The following GARIN1A variants were observed in gnomAD, a reference collection of about 807,000 sequenced individuals.
GARIN1A encodes the protein golgi associated RAB2 interactor 1A.
At chr7:128,679,482 C>T in the GARIN1A span, among the ~76,000 whole-genome samples, 1 of 152,126 alleles carries the variant, frequency 6.6e-6, no homozygotes, top group Non-Finnish European at 1.5e-5. Context: ...TGAGCCACTG[C>T]GCCCAGCCTA....
chr7:128,677,709 G>C, the GARIN1A span: 4 of 1,613,826 alleles, frequency 2.5e-6, no homozygotes, highest in Non-Finnish European at 3.4e-6. Flanking sequence ...GGTCCGCTTG[G>C]TGAAAATTCT....
chr7:128,693,090 C>T, the GARIN1A span, among the ~76,000 whole-genome samples: 1 of 152,210 alleles, frequency 6.6e-6, no homozygotes, highest in Non-Finnish European at 1.5e-5. Flanking sequence ...TGATTCCTGC[C>T]TGATTTAGAA....
the GARIN1A span, among the ~76,000 whole-genome samples, chr7:128,701,599 A>G: frequency 2.0e-5 from 3 of 151,942 alleles, no homozygotes; most frequent in Non-Finnish European, 4.4e-5. Flanking sequence ...TATGAGCCAG[A>G]GTGGCAGGGT....
the GARIN1A span, chr7:128,675,686 C>G: frequency 3.2e-5 from 51 of 1,613,534 alleles, no homozygotes; most frequent in Non-Finnish European, 4.2e-5. Flanking sequence ...TCACTAAGCC[C>G]GGGAACTGGA....
the GARIN1A span, chr7:128,683,019 C>T: frequency 8.7e-6 from 14 of 1,610,420 alleles, no homozygotes; most frequent in East Asian, 2.9e-4. Flanking sequence ...GATACCCTCT[C>T]CAGTGGCATC....
At chr7:128,675,020 C>T in the GARIN1A span, among the ~76,000 whole-genome samples, 1 of 152,208 alleles carries the variant, frequency 6.6e-6, no homozygotes. Flanking sequence ...ATCCAGGTCC[C>T]TGTGGCTCCT....
the GARIN1A span, chr7:128,685,614 A>G: frequency 6.6e-5 from 10 of 152,324 alleles, no homozygotes; most frequent in African/African-American, 2.4e-4. Context: ...AAAATTAAAA[A>G]CAAGTTTCCT....
At chr7:128,681,056 G>T in the GARIN1A span, among the ~76,000 whole-genome samples, 39 of 152,300 alleles carry the variant, frequency 2.6e-4, no homozygotes, top group South Asian at 5.2e-3. Context: ...AATTTATTTT[G>T]TCTGCCCTTC....
chr7:128,678,761 CT>C, the GARIN1A span, among the ~76,000 whole-genome samples: 1 of 148,540 alleles, frequency 6.7e-6, no homozygotes, highest in African/African-American at 2.5e-5. Flanking sequence ...AATTATGCCA[CT>C]TTACTCCAGC....
At chr7:128,692,129 C>T in the GARIN1A span, among the ~76,000 whole-genome samples, 1 of 152,176 alleles carries the variant, frequency 6.6e-6, no homozygotes, top group African/African-American at 2.4e-5. Flanking sequence ...AAATTCCCTT[C>T]GGCTTGGGTT....
At chr7:128,689,769 C>A in the GARIN1A span, among the ~76,000 whole-genome samples, 1 of 117,038 alleles carries the variant, frequency 8.5e-6, no homozygotes, top group Non-Finnish European at 1.9e-5. Flanking sequence ...GGCCAGCCAC[C>A]CCGTCCGGGA....
the GARIN1A span, among the ~76,000 whole-genome samples, chr7:128,703,727 T>C: frequency 6.6e-6 from 1 of 151,660 alleles, no homozygotes; most frequent in African/African-American, 2.4e-5. Flanking sequence ...CAGTGAACTA[T>C]GATCTTGCCA....
the GARIN1A span, chr7:128,672,427 G>A: frequency 6.8e-6 from 11 of 1,609,176 alleles, no homozygotes; most frequent in African/African-American, 1.1e-4. Context: ...TCCCACCTGA[G>A]GTCAGGGAAC....
the GARIN1A span, chr7:128,677,904 T>A: frequency 6.1e-6 from 7 of 1,149,048 alleles, no homozygotes; most frequent in Non-Finnish European, 8.4e-6. Flanking sequence ...CTTGTTTCCA[T>A]GTCTTTTAAA....
the GARIN1A span, among the ~76,000 whole-genome samples, chr7:128,681,805 G>A: frequency 6.6e-6 from 1 of 151,872 alleles, no homozygotes; most frequent in Non-Finnish European, 1.5e-5. Flanking sequence ...AGCTGGCCAG[G>A]AGCTTTCTTG....
chr7:128,678,342 A>C, the GARIN1A span, among the ~76,000 whole-genome samples: 4 of 152,188 alleles, frequency 2.6e-5, no homozygotes, highest in African/African-American at 4.8e-5. Flanking sequence ...ATTATTGTAA[A>C]TAATGCTAAA....
At chr7:128,678,557 A>C in the GARIN1A span, among the ~76,000 whole-genome samples, 1 of 152,046 alleles carries the variant, frequency 6.6e-6, no homozygotes, top group East Asian at 1.9e-4. Flanking sequence ...TAATCCTAAC[A>C]CTTTGGGAGG....
At chr7:128,684,614 C>CAAAAAAAA in the GARIN1A span, 2 of 92,372 alleles carry the variant, frequency 2.2e-5, no homozygotes, top group Non-Finnish European at 4.0e-5. Context: ...GACTCCATCT[C>CAAAAAAAA]AAAAAAAAAA....
At chr7:128,688,972 C>T in the GARIN1A span, among the ~76,000 whole-genome samples, 1 of 151,448 alleles carries the variant, frequency 6.6e-6, no homozygotes, top group East Asian at 1.9e-4. Flanking sequence ...GACTGGTTTT[C>T]GTATTTTTTT....
Sources: allele counts gnomAD v4.1 joint callset (sites outside exome capture counted in the v4.1 genomes callset), GRCh38; gene constraint gnomAD v4.1.1; transcripts MANE v1.5; gene names NCBI Gene and HGNC (gene_info 2026-07-23, HGNC 2026-07-21).